The following PROX1 variants were observed in gnomAD, a reference collection of about 807,000 sequenced individuals.
PROX1 encodes the protein prospero homeobox protein 1.
A neutral mutation model predicts 58.8 loss-of-function variants in PROX1; 7 were observed. That is an observed-to-expected ratio of 0.12 (90% confidence interval 0.07 to 0.22). PROX1 has a LOEUF of 0.22. Ranked by LOEUF, PROX1 falls within the 10% of genes least tolerant of loss-of-function variation. PROX1 has a pLI of 1.00. For synonymous variants in PROX1, 350 were observed against 358.3 expected (o/e 0.98, Z 0.26); for missense variants, 675 against 927.8 (o/e 0.73, Z 3.54).
At chr1:214,023,975 C>T (rs1192762733) in intron 4 of PROX1, among the ~76,000 whole-genome samples, 1 of 152,134 alleles carries the variant, frequency 6.6e-6, no homozygotes, top group Non-Finnish European at 1.5e-5. Context: ...TGTTTCCTTT[C>T]ATTTAGAGCA....
At position 214,039,388 on chromosome 1, in the gene PROX1, A is replaced by G. The variant is rs766383510; in HGVS notation, c.*3554A>G. On this transcript the variant is annotated 3_prime_UTR_variant, in exon 5 of 5. Coordinates refer to ENST00000366958, the MANE Select transcript of PROX1 (RefSeq NM_001270616.2). Reference sequence around the variant, plus strand: ...TATTATTTAATTAAAGAAGTGTTTTATGTTTGCAGAATCTTTGTCACTGTA... The same window carrying G: ...TATTATTTAATTAAAGAAGTGTTTTGTGTTTGCAGAATCTTTGTCACTGTA... The G allele has an allele frequency of 3.9e-5, 6 of 152,176 alleles. No individual in the cohort carries two copies. Among genetic ancestry groups the G allele is most frequent in the Admixed American group, 6.5e-5 (1 of 15,276 alleles). 9.4% of individuals were successfully genotyped at this position (152,176 alleles called of 1,614,324 possible).
chr1:214,024,313 T>C lies in PROX1; in HGVS notation c.2029-11336T>C, dbSNP rs1363678185. On this transcript the variant is annotated intron_variant, in intron 4 of 4. Transcript: ENST00000366958. ...AAGGGTGATTGCAGAGAAAGACAAA[T>C]AGAATTCCCTGGAAATACAGAATAG... Among the ~76,000 whole-genome samples the C allele has an allele frequency of 4.6e-5, 7 of 152,212 alleles. No homozygotes were observed. In the East Asian group the frequency reaches 1.2e-3, roughly 25 times the overall value.
intron 1 of PROX1, among the ~76,000 whole-genome samples, chr1:213,994,436 C>T (rs902648186): frequency 1.3e-5 from 2 of 151,900 alleles, no homozygotes; most frequent in Non-Finnish European, 1.5e-5. Context: ...CTTGTAACCG[C>T]CCCCCATGCA....
chr1:214,012,163 G>C (rs1188025631), intron 4 of PROX1, among the ~76,000 whole-genome samples: 1 of 152,206 alleles, frequency 6.6e-6, no homozygotes, highest in Non-Finnish European at 1.5e-5. Flanking sequence ...TGATGGGGGA[G>C]TGATCATGGT....
intron 1 of PROX1, among the ~76,000 whole-genome samples, chr1:213,994,799 A>C (rs191017278): frequency 0.019 from 2,278 of 119,468 alleles, 105 homozygotes; most frequent in African/African-American, 0.074. Context: ...ATATATATAT[A>C]TATAAAGAGG....
At chr1:214,025,220 A>G (rs1318449078) in intron 4 of PROX1, among the ~76,000 whole-genome samples, 1 of 152,224 alleles carries the variant, frequency 6.6e-6, no homozygotes, top group Non-Finnish European at 1.5e-5. Flanking sequence ...TCCCGTAGAC[A>G]TAGGCAGCCT....
chr1:214,036,646 T>TATCA lies in PROX1; in HGVS notation c.*813_*816dup, dbSNP rs1480021521. The TATCA allele has an allele frequency of 6.6e-6, 1 of 152,234 alleles. No individual in the cohort carries two copies. The highest frequency in any genetic ancestry group is 2.4e-5 in the African/African-American group (1 of 41,464). The allele number at this position is 152,234 out of a possible 1,614,324, so 9.4% of individuals were successfully genotyped here. ...CATAAAGAAAAATCCTATAACTTGT[T>TATCA]ATCATTTTTGCTTCAGATACTAAAA... On this transcript the variant is annotated 3_prime_UTR_variant, in exon 5 of 5. Coordinates refer to ENST00000366958, the MANE Select transcript of PROX1 (RefSeq NM_001270616.2).
intron 1 of PROX1, among the ~76,000 whole-genome samples, chr1:213,994,807 A>T (rs1218145741): frequency 7.5e-6 from 1 of 132,828 alleles, no homozygotes; most frequent in Non-Finnish European, 1.6e-5. Context: ...ATATATAAAG[A>T]GGTATCATTT....
rs1664919724 is a variant in PROX1 at position 214,039,032 on chromosome 1, C to G, written c.*3198C>G. ...GTAGTATAGAAGCAATATTTCATAC[C>G]ATGTGCTATATATGTGTGCGCAGAT... On this transcript the variant is annotated 3_prime_UTR_variant, in exon 5 of 5. Transcript: ENST00000366958. 6.6e-6 allele frequency: 1 copy of G among 152,042 alleles called. No homozygotes were observed. Among genetic ancestry groups the G allele is most frequent in the Admixed American group, 6.6e-5 (1 of 15,262 alleles). The allele number at this position is 152,042 out of a possible 1,614,324, so 9.4% of individuals were successfully genotyped here. A position where few individuals can be genotyped will look rare whatever the true frequency, so the allele number is the denominator to read the frequency against.
chr1:214,004,500 A>G (rs1663635797), intron 2 of PROX1, among the ~76,000 whole-genome samples: 1 of 152,182 alleles, frequency 6.6e-6, no homozygotes, highest in Non-Finnish European at 1.5e-5. Context: ...GTTTTGGACC[A>G]TTGCTTTCAC....
rs1349610614 is a variant in PROX1, at chr1:213,996,895, C to A, written c.360C>A (p.Gly120=). The change falls in exon 2 of 5, where the codon GGC becomes GGA. Residue 120 remains glycine (G), a synonymous_variant. Coordinates refer to ENST00000366958, the MANE Select transcript of PROX1 (RefSeq NM_001270616.2). ...SFQASGLSST[G]SEVHQEDICS... ...AAGCCAGCGGTCTCTCTAGTACAGG[C>A]TCCGAAGTACATCAGGAGGATATAT... is the stretch of plus-strand genomic sequence containing the variant. The A allele has an allele frequency of 6.2e-7, 1 of 1,614,052 alleles. No individual in the cohort carries two copies. Among genetic ancestry groups the A allele is most frequent in the Non-Finnish European group, 8.5e-7 (1 of 1,180,008 alleles).
chr1:214,034,528 C>G (rs1297207862), intron 4 of PROX1, among the ~76,000 whole-genome samples: 1 of 152,154 alleles, frequency 6.6e-6, no homozygotes, highest in Non-Finnish European at 1.5e-5. Flanking sequence ...ATCATGAGTT[C>G]ATGGATTATT....
In PROX1 at chr1:214,039,832, A is replaced by C. The variant is rs74139094; in HGVS notation, c.*3998A>C. On this transcript the variant is annotated 3_prime_UTR_variant, in exon 5 of 5. Transcript: ENST00000366958. The stretch of plus-strand genomic sequence containing the variant: ...ACACACACACACACACACACACACA[A>C]ACACACACACTGTCATAAAGCTAAT... 0.044 allele frequency: 5,960 copies of C among 134,458 alleles called. 161 individuals carry two copies. Among genetic ancestry groups the C allele is most frequent in the African/African-American group, 0.11 (3,217 of 29,266 alleles). The allele number at this position is 134,458 out of a possible 1,614,324, so 8.3% of individuals were successfully genotyped here. A position where few individuals can be genotyped will look rare whatever the true frequency, so the allele number is the denominator to read the frequency against.
intron 2 of PROX1, among the ~76,000 whole-genome samples, chr1:213,998,868 G>A (rs1219466357): frequency 6.6e-6 from 1 of 152,052 alleles, no homozygotes; most frequent in East Asian, 1.9e-4. Flanking sequence ...TCATCTTTAA[G>A]TGAGACTTTT....
chr1:213,989,195 T>C (rs1399788248), intron 1 of PROX1, among the ~76,000 whole-genome samples: 1 of 152,008 alleles, frequency 6.6e-6, no homozygotes, highest in East Asian at 1.9e-4. Flanking sequence ...CAAAACGCTG[T>C]CGAAGCCGAA....
chr1:214,010,281 G>A (rs1191250922), intron 3 of PROX1, among the ~76,000 whole-genome samples: 5 of 152,170 alleles, frequency 3.3e-5, no homozygotes, highest in African/African-American at 1.2e-4. Flanking sequence ...CCTTTTGGGA[G>A]AAACACCAGT....
intron 3 of PROX1, among the ~76,000 whole-genome samples, chr1:214,006,506 G>A (rs1459716764): frequency 6.6e-6 from 1 of 152,182 alleles, no homozygotes; most frequent in African/African-American, 2.4e-5. Context: ...TGGGGAGGCA[G>A]GGAAAGTCCA....
At chr1:214,005,943 C>CGTGTGT (rs369421627) in intron 3 of PROX1, among the ~76,000 whole-genome samples, 48 of 147,962 alleles carry the variant, frequency 3.2e-4, no homozygotes, top group African/African-American at 1.1e-3. Context: ...TGTGTGTATG[C>CGTGTGT]GTGTGTGTGT....
chr1:213,994,803 A>G (rs1485120680), intron 1 of PROX1, among the ~76,000 whole-genome samples: 1 of 123,282 alleles, frequency 8.1e-6, no homozygotes, highest in Non-Finnish European at 1.7e-5. Context: ...ATATATATAT[A>G]AAGAGGTATC....
Sources: gnomAD v4.1 joint callset for allele counts (sites outside exome capture counted in the v4.1 genomes callset) on GRCh38, gnomAD v4.1.1 for gene constraint, MANE v1.5 for transcripts, NCBI Gene and HGNC (gene_info 2026-07-23, HGNC 2026-07-21) for gene names.